FER1L6: variants seen among roughly 807,000 people sequenced by gnomAD.
The protein encoded by FER1L6 is fer-1-like protein 6.
A neutral mutation model predicts 219.2 loss-of-function variants in FER1L6; 177 were observed. That is an observed-to-expected ratio of 0.81 (90% confidence interval 0.71 to 0.91). FER1L6 has a LOEUF of 0.91. FER1L6 is among the 40% of genes least tolerant of loss of function. FER1L6 has a pLI of 0.00. For missense variants in FER1L6, 2,153 were observed against 2,259.9 expected (o/e 0.95, Z 0.96); for synonymous variants, 768 against 824.3 (o/e 0.93, Z 1.17).
At chr8:123,877,921 A>G (rs1385410851) in intron 1 of FER1L6, among the ~76,000 whole-genome samples, 1 of 152,172 alleles carries the variant, frequency 6.6e-6, no homozygotes, top group Non-Finnish European at 1.5e-5. Context: ...ATCGTTCTAA[A>G]TACAAGGAAA....
intron 14 of FER1L6, among the ~76,000 whole-genome samples, chr8:124,011,158 A>G (rs569509512): frequency 6.6e-6 from 1 of 152,110 alleles, no homozygotes; most frequent in Non-Finnish European, 1.5e-5. Flanking sequence ...TGTTCCAACT[A>G]CACTGGTGCC....
intron 12 of FER1L6, among the ~76,000 whole-genome samples, chr8:123,996,329 G>A (rs927390296): frequency 2.6e-5 from 4 of 152,034 alleles, no homozygotes; most frequent in African/African-American, 9.7e-5. Context: ...ATAAATCTGG[G>A]TGCTTCAGCA....
intron 20 of FER1L6, among the ~76,000 whole-genome samples, chr8:124,042,975 A>G (rs1016676422): frequency 5.9e-5 from 9 of 152,172 alleles, no homozygotes; most frequent in Non-Finnish European, 1.0e-4. Context: ...CTAAGTGGCT[A>G]AGAGGGAGCA....
chr8:123,864,012 A>T (rs1380167154), intron 1 of FER1L6, among the ~76,000 whole-genome samples: 2 of 145,746 alleles, frequency 1.4e-5, no homozygotes, highest in Non-Finnish European at 3.0e-5. Flanking sequence ...TGTGAATTTG[A>T]TCCTGTCATT....
intron 10 of FER1L6, among the ~76,000 whole-genome samples, chr8:123,979,185 T>G (rs1326349465): frequency 1.3e-5 from 2 of 152,224 alleles, no homozygotes; most frequent in Non-Finnish European, 2.9e-5. Context: ...GGGGGATTGT[T>G]AAGCAGATTA....
chr8:123,909,466 G>A (rs1205185385), intron 1 of FER1L6, among the ~76,000 whole-genome samples: 1 of 152,106 alleles, frequency 6.6e-6, no homozygotes, highest in Non-Finnish European at 1.5e-5. Context: ...GTTGTTGAGT[G>A]GGGGCAGAGG....
In FER1L6 at chr8:123,896,336, G is replaced by C. The variant is rs888539996; in HGVS notation, c.-8+44151G>C. On this transcript the variant is annotated intron_variant, in intron 1 of 40. Transcript: ENST00000522917. ...GTTGGAATACAAGTTCTCCTAACCT[G>C]TTCATCTGAGAAAGCATGGCTTCTT... 2.6e-5 allele frequency among the ~76,000 whole-genome samples: 4 copies of C among 152,206 alleles called. No individual in the cohort carries two copies. The East Asian group carries it at 7.7e-4, about 29-fold the overall frequency.
chr8:124,049,707 G>T lies in FER1L6; in HGVS notation c.2825G>T (p.Cys942Phe). The T allele has an allele frequency of 6.2e-7, 1 of 1,614,090 alleles. No homozygotes were observed. The highest frequency in any genetic ancestry group is 8.5e-7 in the Non-Finnish European group (1 of 1,179,992). The stretch of plus-strand genomic sequence containing the variant: ...AGGTTATGCTATCACCCCATCTTTT[G>T]TGGGAATCTCTCTGGAGGGGATCTC... ...PPRLCYHPIF[C>F]GNLSGGDLLA... Residue 942 changes from cysteine (C) to phenylalanine (F), a missense_variant, in exon 22 of 41, where the codon TGT (cysteine) becomes TTT (phenylalanine). By Grantham distance (205) the Cys-to-Phe change is radical. Coordinates refer to ENST00000522917, the MANE Select transcript of FER1L6 (RefSeq NM_001039112.2).
At chr8:124,013,676 A>C in intron 15 of FER1L6, 145 bp downstream of exon 15, 1 of 470,858 alleles carries the variant, frequency 2.1e-6, no homozygotes, top group East Asian at 3.5e-5. Context: ...CAGTAATTTC[A>C]CTCGTGCTTG....
At chr8:124,091,621 C>G (rs767913272) in intron 34 of FER1L6, 38 bp downstream of exon 34, 3 of 1,594,260 alleles carry the variant, frequency 1.9e-6, no homozygotes, top group Non-Finnish European at 2.6e-6. Context: ...TGTTGCTCTT[C>G]TTTTGAAAAT....
At chr8:123,984,499 C>T (rs1415752713) in intron 11 of FER1L6, 1 of 152,212 alleles carries the variant, frequency 6.6e-6, no homozygotes, top group African/African-American at 2.4e-5. Context: ...CCACCACAGC[C>T]TTCCGAGTAG....
At chr8:124,102,712 A>C (rs1160013733) in intron 38 of FER1L6, among the ~76,000 whole-genome samples, 1 of 152,158 alleles carries the variant, frequency 6.6e-6, no homozygotes, top group Non-Finnish European at 1.5e-5. Context: ...CAATAAGACT[A>C]GTGTCCGACC....
At chr8:123,991,300 G>A (rs2130417117) in intron 12 of FER1L6, among the ~76,000 whole-genome samples, 1 of 152,282 alleles carries the variant, frequency 6.6e-6, no homozygotes, top group South Asian at 2.1e-4. Flanking sequence ...GCTTTGAGAA[G>A]TATGGTCATT....
intron 1 of FER1L6, among the ~76,000 whole-genome samples, chr8:123,897,026 C>T (rs201976230): frequency 8.6e-4 from 131 of 152,246 alleles, no homozygotes; most frequent in African/African-American, 3.0e-3. Flanking sequence ...GGCCGAAATT[C>T]TTTATTTGGT....
At chr8:124,078,620 G>C (rs1039540851) in intron 32 of FER1L6, among the ~76,000 whole-genome samples, 2 of 151,832 alleles carry the variant, frequency 1.3e-5, no homozygotes, top group Non-Finnish European at 2.9e-5. Flanking sequence ...CCTTCAAGGT[G>C]CCCATGAATA....
At chr8:123,966,311 A>G in intron 5 of FER1L6, 21 bp downstream of exon 5, 2 of 1,613,560 alleles carry the variant, frequency 1.2e-6, no homozygotes, top group African/African-American at 1.3e-5. Context: ...GAGGTCACCC[A>G]CAGCTTTTGC....
intron 1 of FER1L6, among the ~76,000 whole-genome samples, chr8:123,867,757 AT>A (rs369732557): frequency 1.3e-5 from 2 of 152,008 alleles, no homozygotes; most frequent in African/African-American, 2.4e-5. Flanking sequence ...GATGGATGGC[AT>A]TTTTTTTCTT....
At chr8:123,855,331 C>A (rs1171727495) in intron 1 of FER1L6, among the ~76,000 whole-genome samples, 1 of 152,240 alleles carries the variant, frequency 6.6e-6, no homozygotes, top group African/African-American at 2.4e-5. Context: ...ACTGCGAGCT[C>A]CTGGCAGGCA....
intron 31 of FER1L6, among the ~76,000 whole-genome samples, chr8:124,072,072 T>C (rs1821100244): frequency 6.6e-6 from 1 of 152,180 alleles, no homozygotes; most frequent in African/African-American, 2.4e-5. Context: ...TGTTATGGCT[T>C]TTCTGAGCAT....
Sources: allele counts gnomAD v4.1 joint callset (sites outside exome capture counted in the v4.1 genomes callset), GRCh38; gene constraint gnomAD v4.1.1; transcripts MANE v1.5; gene names NCBI Gene and HGNC (gene_info 2026-07-23, HGNC 2026-07-21).